EDIL3: variants seen among roughly 807,000 people sequenced by gnomAD.
EDIL3 encodes the protein EGF like and discoidin domains 3.
In EDIL3, 37 loss-of-function variants were observed where a neutral mutation model predicts 67.4. The ratio of observed to expected loss-of-function variants is 0.55; its 90% CI spans 0.42 to 0.72. EDIL3 has a LOEUF of 0.72. Among genes scored for constraint, EDIL3 ranks in the 30% least tolerant of loss-of-function variants. The pLI is 0.00. For synonymous variants in EDIL3, 195 were observed against 196.3 expected (o/e 0.99, Z 0.05); for missense variants, 527 against 586.3 (o/e 0.90, Z 1.04).
At chr5:84,013,926 G>C (rs1745557481) in intron 9 of EDIL3, among the ~76,000 whole-genome samples, 1 of 152,138 alleles carries the variant, frequency 6.6e-6, no homozygotes, top group South Asian at 2.1e-4. Flanking sequence ...TTGAATTGTA[G>C]ATAAATTGAA....
At chr5:83,985,333 A>G (rs1745041134) in intron 9 of EDIL3, among the ~76,000 whole-genome samples, 1 of 152,052 alleles carries the variant, frequency 6.6e-6, no homozygotes, top group African/African-American at 2.4e-5. Flanking sequence ...TGGAAAAAAA[A>G]TGTATATTTT....
intron 1 of EDIL3, among the ~76,000 whole-genome samples, chr5:84,361,198 T>G (rs1747588938): frequency 6.6e-6 from 1 of 151,756 alleles, no homozygotes; most frequent in Middle Eastern, 3.4e-3. Flanking sequence ...TTGCTTCAAG[T>G]GTGAACAAAA....
chr5:84,149,001 A>G (rs1017793405), intron 4 of EDIL3, among the ~76,000 whole-genome samples: 1 of 151,862 alleles, frequency 6.6e-6, no homozygotes, highest in African/African-American at 2.4e-5. Context: ...ACCTCAGACA[A>G]AATACGTGAG....
Position 84,247,354 on chromosome 5 carries a change from G to A in EDIL3, c.196+6730C>T, listed in dbSNP as rs143609526. ...CACCCAAGAGAGCTACTTAAGGCTC[G>A]TTAACTTTCTGATATTTCATGAACA... On this transcript the variant is annotated intron_variant, in intron 2 of 10. Transcript: ENST00000296591. 5.3e-5 allele frequency among the ~76,000 whole-genome samples: 8 copies of A among 152,138 alleles called. No homozygotes were observed. The East Asian group carries it at 7.7e-4, about 15-fold the overall frequency.
intron 9 of EDIL3, among the ~76,000 whole-genome samples, chr5:84,020,523 C>T (rs1430460650): frequency 6.6e-6 from 1 of 151,932 alleles, no homozygotes; most frequent in African/African-American, 2.4e-5. Flanking sequence ...TTCTTCTTCG[C>T]ATCTCTTTAA....
intron 6 of EDIL3, among the ~76,000 whole-genome samples, chr5:84,095,964 G>A (rs541206994): frequency 2.0e-5 from 3 of 151,978 alleles, no homozygotes; most frequent in South Asian, 2.1e-4. Flanking sequence ...GTAATAAATC[G>A]TTACAAATTT....
At chr5:84,229,788 G>T (rs1744529841) in intron 3 of EDIL3, 67 bp downstream of exon 3, 5 of 1,477,276 alleles carry the variant, frequency 3.4e-6, no homozygotes, top group South Asian at 1.3e-5. Context: ...TTACTCAAAA[G>T]GTTGACTCTC....
chr5:84,192,383 T>C (rs899579577), intron 3 of EDIL3, among the ~76,000 whole-genome samples: 1 of 151,986 alleles, frequency 6.6e-6, no homozygotes, highest in Non-Finnish European at 1.5e-5. Flanking sequence ...AATGAACCAA[T>C]ATGCTTCACT....
chr5:84,255,683 T>C (rs1437358609), intron 1 of EDIL3, among the ~76,000 whole-genome samples: 1 of 152,134 alleles, frequency 6.6e-6, no homozygotes, highest in Non-Finnish European at 1.5e-5. Flanking sequence ...TGAAGCACTT[T>C]AAAAATATTT....
At chr5:83,972,432 T>TC (rs1744809984) in intron 9 of EDIL3, among the ~76,000 whole-genome samples, 1 of 152,002 alleles carries the variant, frequency 6.6e-6, no homozygotes, top group Admixed American at 6.6e-5. Context: ...CCAACAGGCA[T>TC]CCCAATGCAC....
chr5:84,022,171 A>G (rs976598633), intron 9 of EDIL3, among the ~76,000 whole-genome samples: 1 of 152,046 alleles, frequency 6.6e-6, no homozygotes, highest in African/African-American at 2.4e-5. Flanking sequence ...TCAAGAAAAT[A>G]CTACCAAAAC....
At chr5:84,303,998 A>G (rs1031424590) in intron 1 of EDIL3, among the ~76,000 whole-genome samples, 36 of 152,144 alleles carry the variant, frequency 2.4e-4, no homozygotes, top group African/African-American at 8.4e-4. Flanking sequence ...CAATCCATAT[A>G]AATTTATAAT....
At chr5:84,231,054 T>C (rs1486870592) in intron 2 of EDIL3, among the ~76,000 whole-genome samples, 1 of 152,144 alleles carries the variant, frequency 6.6e-6, no homozygotes, top group African/African-American at 2.4e-5. Context: ...ATAGAACCAA[T>C]TAAGTCAGAA....
chr5:84,328,350 C>T (rs564512007), intron 1 of EDIL3, among the ~76,000 whole-genome samples: 4 of 151,972 alleles, frequency 2.6e-5, no homozygotes, highest in Admixed American at 6.6e-5. Flanking sequence ...TGCTTCCCCC[C>T]GTCACTACCA....
intron 9 of EDIL3, among the ~76,000 whole-genome samples, chr5:83,990,094 G>A (rs1745123850): frequency 6.6e-6 from 1 of 152,184 alleles, no homozygotes; most frequent in South Asian, 2.1e-4. Context: ...GAGGCCCTGA[G>A]CAGAGAACCC....
intron 2 of EDIL3, among the ~76,000 whole-genome samples, chr5:84,237,185 TC>T (rs2112052427): frequency 6.6e-6 from 1 of 152,248 alleles, no homozygotes; most frequent in African/African-American, 2.4e-5. Context: ...ACTACTCACT[TC>T]AACCTCAATT....
intron 3 of EDIL3, among the ~76,000 whole-genome samples, chr5:84,196,323 ACT>A (rs1743702223): frequency 6.6e-6 from 1 of 151,836 alleles, no homozygotes; most frequent in African/African-American, 2.4e-5. Context: ...TCTTCCTCTA[ACT>A]CTCACCTCTA....
intron 1 of EDIL3, among the ~76,000 whole-genome samples, chr5:84,373,291 G>A (rs1348251285): frequency 2.0e-5 from 3 of 152,006 alleles, no homozygotes; most frequent in Non-Finnish European, 4.4e-5. Context: ...CCAACACCTG[G>A]CCATTCGGTG....
At chr5:84,248,718 G>A (rs1347603979) in intron 2 of EDIL3, among the ~76,000 whole-genome samples, 2 of 152,196 alleles carry the variant, frequency 1.3e-5, no homozygotes, top group South Asian at 4.1e-4. Context: ...ATACCCAGTT[G>A]CTCAGGCCAG....
Sources: allele counts gnomAD v4.1 joint callset (sites outside exome capture counted in the v4.1 genomes callset), GRCh38; gene constraint gnomAD v4.1.1; transcripts MANE v1.5; gene names NCBI Gene and HGNC (gene_info 2026-07-23, HGNC 2026-07-21).